Variants in CBX7 observed in about 807,000 individuals in gnomAD.
CBX7 encodes chromobox 7, also known as chromobox protein homolog 7.
In CBX7, 14 loss-of-function variants were observed where a neutral mutation model predicts 31.4. That is an observed-to-expected ratio of 0.45 (90% confidence interval 0.29 to 0.70). CBX7 has a LOEUF of 0.70. Among genes scored for constraint, CBX7 ranks in the 30% least tolerant of loss-of-function variants. CBX7 has a pLI of 0.11. For missense variants in CBX7, 269 were observed against 351.9 expected, an observed-to-expected ratio of 0.76 and a Z score of 1.89; for synonymous variants, 159 against 152.6, an observed-to-expected ratio of 1.04 and a Z score of -0.31.
chr22:39,134,760 G>A lies in CBX7; in HGVS notation c.247-8C>T. ...GTCCATGCTGTACAGCCGCTGCGGGGGCAAGCCAGGGCAGCGCGGGTCAGC... is the reference window on the plus strand; with the variant it reads ...GTCCATGCTGTACAGCCGCTGCGGGAGCAAGCCAGGGCAGCGCGGGTCAGC... On this transcript the variant is annotated splice_region_variant and splice_polypyrimidine_tract_variant and intron_variant, in intron 4 of 5. Transcript: ENST00000216133. 6.8e-7 allele frequency: 1 copy of A among 1,481,414 alleles called. No individual in the cohort carries two copies. Among genetic ancestry groups the A allele is most frequent in the South Asian group, 1.3e-5 (1 of 77,124 alleles). The allele number at this position is 1,481,414 out of a possible 1,614,324, so 91.8% of individuals were successfully genotyped here.
chr22:39,140,973 C>G, intron 3 of CBX7: 1 of 222,318 alleles, frequency 4.5e-6, no homozygotes. Context: ...GATCTGTCAC[C>G]CCCGCACAAC....
chr22:39,139,106 C>T (rs1438956975), intron 3 of CBX7, among the ~76,000 whole-genome samples: 2 of 152,092 alleles, frequency 1.3e-5, no homozygotes, highest in Non-Finnish European at 2.9e-5. Flanking sequence ...CCCAGGAGAG[C>T]TGATGGGAAT....
intron 3 of CBX7, among the ~76,000 whole-genome samples, chr22:39,140,881 G>C (rs1001478825): frequency 5.3e-5 from 8 of 152,144 alleles, no homozygotes; most frequent in Non-Finnish European, 1.2e-4. Flanking sequence ...CAGCCCCAAA[G>C]CCCACGCTCC....
chr22:39,152,103 T>G lies in CBX7; in HGVS notation c.69+273A>C, dbSNP rs141171002. Reference sequence around the variant, plus strand: ...TATTTACAATAAAAGGGGAGCGAGGTGGGATGGCGCTGAGGATCCCTACGT... The same window carrying G: ...TATTTACAATAAAAGGGGAGCGAGGGGGGATGGCGCTGAGGATCCCTACGT... On this transcript the variant is annotated intron_variant, in intron 1 of 5. Transcript: ENST00000216133. The surrounding 1 kb of genome is among the most constrained non-coding windows in gnomAD (Gnocchi z 4.9). Among the ~76,000 whole-genome samples, 102 of 152,076 alleles carry G rather than the reference T, an allele frequency of 6.7e-4. No individual in the cohort carries two copies. In the East Asian group the frequency reaches 0.011, roughly 16 times the overall value.
intron 3 of CBX7, among the ~76,000 whole-genome samples, chr22:39,139,203 C>T (rs5757494): frequency 0.17 from 26,244 of 152,118 alleles, 2,858 homozygotes; most frequent in East Asian, 0.43. Context: ...CGGCTCCTAC[C>T]CTGTCTGTCC....
At chr22:39,140,099 C>G (rs1930400985) in intron 3 of CBX7, among the ~76,000 whole-genome samples, 1 of 152,198 alleles carries the variant, frequency 6.6e-6, no homozygotes, top group South Asian at 2.1e-4. Context: ...GCCCCCAGTA[C>G]AGAGGTCACG....
At position 39,152,314 on chromosome 22, in the gene CBX7, G is replaced by C; in HGVS notation, c.69+62C>G. The C allele has an allele frequency of 9.1e-7, 1 of 1,102,534 alleles. No homozygotes were observed. The highest frequency in any genetic ancestry group is 1.2e-6 in the Non-Finnish European group (1 of 849,298). 68.3% of individuals were successfully genotyped at this position (1,102,534 alleles called of 1,614,324 possible). ...CCCCTTCAGCCCCAGCGTGGAGGGA[G>C]CGGTGCTGGGGACGGGAGGGACCCC... On this transcript the variant is annotated intron_variant, in intron 1 of 5. Coordinates refer to ENST00000216133, the MANE Select transcript of CBX7 (RefSeq NM_175709.5). This position sits in a 1 kb window ranked among gnomAD's most constrained non-coding sequence, Gnocchi z 4.9.
chr22:39,151,521 C>T (rs1261844797), intron 1 of CBX7, among the ~76,000 whole-genome samples: 1 of 152,162 alleles, frequency 6.6e-6, no homozygotes, highest in Non-Finnish European at 1.5e-5. Flanking sequence ...CCCCTAAGGC[C>T]CCTCCCAGTC....
rs11317084 is a variant in CBX7 at position 39,140,731 on chromosome 22, T to TG, written c.179+639dup. Among the ~76,000 whole-genome samples the TG allele has an allele frequency of 5.0e-3, 760 of 151,562 alleles. 1 individual carries two copies. Among genetic ancestry groups the TG allele is most frequent in the Non-Finnish European group, 7.5e-3 (507 of 67,798 alleles). ...GCAGGGGACCTGGGCTGCCTGCTGGTGGGGGGGGCGGCCAGAGAGGGCACA... is the reference window on the plus strand; with the variant it reads ...GCAGGGGACCTGGGCTGCCTGCTGGTGGGGGGGGGCGGCCAGAGAGGGCACA... On this transcript the variant is annotated intron_variant, in intron 3 of 5. Coordinates refer to ENST00000216133, the MANE Select transcript of CBX7 (RefSeq NM_175709.5).
Position 39,132,882 on chromosome 22 carries a change from A to T in CBX7, c.*1009T>A, listed in dbSNP as rs1273345426. 6.6e-6 allele frequency: 1 copy of T among 152,558 alleles called. No homozygotes were observed. Among genetic ancestry groups the T allele is most frequent in the East Asian group, 1.9e-4 (1 of 5,190 alleles). The allele number at this position is 152,558 out of a possible 1,614,324, so 9.5% of individuals were successfully genotyped here. A position where few individuals can be genotyped will look rare whatever the true frequency, so the allele number is the denominator to read the frequency against. On this transcript the variant is annotated 3_prime_UTR_variant, in exon 6 of 6. Transcript: ENST00000216133. ...TCACGGGAGGAAGGACAGGGTCCAG[A>T]CGTCTCAAAGCCTGTGCTGATACAT...
At chr22:39,150,430 C>CCTG (rs1413084421) in intron 1 of CBX7, among the ~76,000 whole-genome samples, 1 of 152,062 alleles carries the variant, frequency 6.6e-6, no homozygotes, top group Non-Finnish European at 1.5e-5. Context: ...GGTGGTCAGC[C>CCTG]CTGTGGTTGT....
At chr22:39,142,913 T>C (rs1229617512) in intron 2 of CBX7, among the ~76,000 whole-genome samples, 1 of 152,112 alleles carries the variant, frequency 6.6e-6, no homozygotes, top group East Asian at 1.9e-4. Flanking sequence ...AATGTGTGTG[T>C]TTGTGTCTTA....
At position 39,134,943 on chromosome 22, in the gene CBX7, G is replaced by T. The variant is rs544736671; in HGVS notation, c.247-191C>A. The T allele has an allele frequency of 8.1e-4, 457 of 567,190 alleles. 4 individuals carry two copies. Among genetic ancestry groups the T allele is most frequent in the African/African-American group, 7.7e-3 (407 of 52,778 alleles). 35.1% of individuals were successfully genotyped at this position (567,190 alleles called of 1,614,324 possible). A position where few individuals can be genotyped will look rare whatever the true frequency, so the allele number is the denominator to read the frequency against. On this transcript the variant is annotated intron_variant, in intron 4 of 5. Transcript: ENST00000216133. ...AGAGTGCGCCCCGGGCAACCCCAGG[G>T]TCGGCCAGCTCAGCCCTGCCTCTGG...
chr22:39,146,734 T>C (rs904219833), intron 2 of CBX7, among the ~76,000 whole-genome samples: 7 of 152,236 alleles, frequency 4.6e-5, no homozygotes, highest in Non-Finnish European at 7.3e-5. Context: ...TAGGGGCTTA[T>C]TGACAGCCTG....
At chr22:39,149,762 C>T (rs751966582) in intron 2 of CBX7, 27 bp downstream of exon 2, 7 of 1,610,940 alleles carry the variant, frequency 4.3e-6, no homozygotes. Flanking sequence ...GGCAGACAGA[C>T]AGACACACAC....
intron 2 of CBX7, among the ~76,000 whole-genome samples, chr22:39,145,144 G>A (rs1331316402): frequency 6.6e-6 from 1 of 152,214 alleles, no homozygotes; most frequent in African/African-American, 2.4e-5. Context: ...ATGCAGAAGG[G>A]GTGGTTGCCG....
intron 4 of CBX7, chr22:39,136,157 G>A (rs906044593): frequency 2.0e-5 from 3 of 151,286 alleles, no homozygotes; most frequent in East Asian, 1.9e-4. Flanking sequence ...GGTCTTCTAC[G>A]TCCTTGGCAA....
Position 39,138,617 on chromosome 22 carries a change from A to T in CBX7, c.246+19T>A. ...GGTTGGGCAGGGGGAGAAAGGAGGC[A>T]CAAAGGCAGGCTGGTTACCTGCAGC... On this transcript the variant is annotated intron_variant, in intron 4 of 5. Transcript: ENST00000216133. 1 of 1,613,734 alleles carries T rather than the reference A, an allele frequency of 6.2e-7. No individual in the cohort carries two copies. Among genetic ancestry groups the T allele is most frequent in the Non-Finnish European group, 8.5e-7 (1 of 1,179,610 alleles).
Sources: allele counts gnomAD v4.1 joint callset (sites outside exome capture counted in the v4.1 genomes callset), GRCh38; gene constraint gnomAD v4.1.1; non-coding constraint Gnocchi (gnomAD v3.1); transcripts MANE v1.5; gene names NCBI Gene and HGNC (gene_info 2026-07-23, HGNC 2026-07-21).